The following SLC5A4 variants were observed in gnomAD, a reference collection of about 807,000 sequenced individuals.
SLC5A4 encodes solute carrier family 5 member 4, also known as probable glucose sensor protein SLC5A4.
SLC5A4 carries 55 observed loss-of-function variants against 70.3 expected under a neutral mutation model. The ratio of observed to expected loss-of-function variants is 0.78; its 90% confidence interval spans 0.63 to 0.98. The LOEUF is 0.98. Ranked by LOEUF, SLC5A4 falls within the 50% of genes least tolerant of loss-of-function variation. The probability of loss-of-function intolerance (pLI) is 0.00; values close to 1 mark genes in which losing one functional copy is unlikely to be tolerated. For missense variants in SLC5A4, 735 were observed against 839.2 expected (o/e 0.88, Z 1.53); for synonymous variants, 268 against 305.7 (o/e 0.88, Z 1.29).
At chr22:32,264,084 T>C in the SLC5A4 span, among the ~76,000 whole-genome samples, 2 of 140,834 alleles carry the variant, frequency 1.4e-5, no homozygotes, top group East Asian at 2.0e-4. Context: ...AAATACCCAA[T>C]GTAGATGATG....
At chr22:32,229,507 C>G (rs1925619938) in intron 10 of SLC5A4, among the ~76,000 whole-genome samples, 163 bp from the exon 11 acceptor site, 1 of 152,142 alleles carries the variant, frequency 6.6e-6, no homozygotes, top group African/African-American at 2.4e-5. Flanking sequence ...TCCTGGTCAC[C>G]TGAGAATAAT....
chr22:32,307,260 GTAAC>G, the SLC5A4 span, among the ~76,000 whole-genome samples: 4 of 152,116 alleles, frequency 2.6e-5, no homozygotes, highest in Admixed American at 6.5e-5. Flanking sequence ...TAGGTACAGA[GTAAC>G]TAATAGTCAA....
chr22:32,232,843 AC>A (rs1925836091), intron 9 of SLC5A4, 55 bp downstream of exon 9: 1 of 1,541,780 alleles, frequency 6.5e-7, no homozygotes, highest in Middle Eastern at 1.7e-4. Flanking sequence ...CATTTTAAAA[AC>A]ACTTATCAGA....
chr22:32,291,834 G>C, the SLC5A4 span, among the ~76,000 whole-genome samples: 8 of 145,310 alleles, frequency 5.5e-5, no homozygotes, highest in African/African-American at 2.0e-4. Flanking sequence ...ATGTGTGTGT[G>C]TATATATATG....
At position 32,220,972 on chromosome 22, in the gene SLC5A4, A is replaced by G. The variant is rs752063184; in HGVS notation, c.1716T>C (p.Asp572=). The G allele has an allele frequency of 2.5e-6, 4 of 1,614,052 alleles. No homozygotes were observed. Among genetic ancestry groups the G allele is most frequent in the Non-Finnish European group, 2.5e-6 (3 of 1,179,936 alleles). ...CCTGACTTTTCTCTTCTGCATCTAT[A>G]TCGATTCGCTCCTCTGTACTGTTCC... ...VLRNSTEERI[D]IDAEEKSQEE... is the part of the protein sequence containing the mutation. The change falls in exon 14 of 15, where the codon GAT becomes GAC. Residue 572 remains aspartate (D), a synonymous_variant. Transcript: ENST00000266086.
At chr22:32,318,803 TC>T in the SLC5A4 span, among the ~76,000 whole-genome samples, 1 of 152,306 alleles carries the variant, frequency 6.6e-6, no homozygotes, top group East Asian at 1.9e-4. Flanking sequence ...CTAAAGCCCT[TC>T]CCACCCCATC....
the SLC5A4 span, among the ~76,000 whole-genome samples, chr22:32,312,843 A>G: frequency 1.3e-5 from 2 of 152,118 alleles, no homozygotes; most frequent in Non-Finnish European, 2.9e-5. Flanking sequence ...CAAGGAAAAA[A>G]AATATCACAT....
the SLC5A4 span, among the ~76,000 whole-genome samples, chr22:32,334,277 T>C: frequency 6.6e-6 from 1 of 152,214 alleles, no homozygotes; most frequent in African/African-American, 2.4e-5. Flanking sequence ...GGTGCTGGCG[T>C]CCCATGGTGG....
the SLC5A4 span, among the ~76,000 whole-genome samples, chr22:32,261,184 C>T: frequency 6.6e-6 from 1 of 152,210 alleles, no homozygotes; most frequent in Non-Finnish European, 1.5e-5. Flanking sequence ...TCACTCCTCT[C>T]CCGTTTGGTC....
intron 5 of SLC5A4, among the ~76,000 whole-genome samples, chr22:32,242,089 CTATT>C (rs1926565552): frequency 6.6e-6 from 1 of 152,002 alleles, no homozygotes; most frequent in Non-Finnish European, 1.5e-5. Flanking sequence ...GTGAATATAT[CTATT>C]TATGTGTGGG....
the SLC5A4 span, among the ~76,000 whole-genome samples, chr22:32,311,781 G>A: frequency 2.0e-5 from 3 of 152,176 alleles, no homozygotes; most frequent in Non-Finnish European, 4.4e-5. Context: ...GTGGATCAGC[G>A]CTCTCGGCGG....
the SLC5A4 span, among the ~76,000 whole-genome samples, chr22:32,349,075 A>C: frequency 6.6e-6 from 1 of 152,084 alleles, no homozygotes; most frequent in African/African-American, 2.4e-5. Context: ...CCCAGGTTCA[A>C]GTGATTTCCC....
At chr22:32,235,502 A>C (rs1040685171) in intron 7 of SLC5A4, among the ~76,000 whole-genome samples, 5 of 152,206 alleles carry the variant, frequency 3.3e-5, no homozygotes, top group African/African-American at 1.2e-4. Flanking sequence ...GAAAAAGATC[A>C]GGAGGCAAAG....
rs114902843 is a variant in SLC5A4 at position 32,245,868 on chromosome 22, C to G, written c.477+1543G>C. Among the ~76,000 whole-genome samples the G allele has an allele frequency of 8.5e-3, 1,291 of 152,318 alleles. 20 individuals carry two copies. The highest frequency in any genetic ancestry group is 0.03 in the African/African-American group (1,237 of 41,562). ...AGCTGTAGATGTCAGCACCAGAGGA[C>G]AATTGGGAGACTAGCAAGTCCAACG... is the stretch of plus-strand genomic sequence containing the variant. On this transcript the variant is annotated intron_variant, in intron 5 of 14. Coordinates refer to ENST00000266086, the MANE Select transcript of SLC5A4 (RefSeq NM_014227.3).
the SLC5A4 span, among the ~76,000 whole-genome samples, chr22:32,310,367 G>A: frequency 6.6e-6 from 1 of 152,194 alleles, no homozygotes; most frequent in Non-Finnish European, 1.5e-5. Context: ...TGCTCTCAGT[G>A]GCAGAGCTGA....
the SLC5A4 span, among the ~76,000 whole-genome samples, chr22:32,311,061 TACTCGGTCC>T: frequency 6.6e-6 from 1 of 152,206 alleles, no homozygotes; most frequent in Non-Finnish European, 1.5e-5. Context: ...TAACGCCCAT[TACTCGGTCC>T]TGTGTGTCAT....
At chr22:32,255,141 A>C in intron 1 of SLC5A4, 54 bp downstream of exon 1, 2 of 1,148,968 alleles carry the variant, frequency 1.7e-6, no homozygotes, top group Non-Finnish European at 2.6e-6. Context: ...CCCCCTTAAG[A>C]TACCCCCTCC....
At chr22:32,313,000 G>A in the SLC5A4 span, among the ~76,000 whole-genome samples, 5 of 152,184 alleles carry the variant, frequency 3.3e-5, no homozygotes, top group South Asian at 4.1e-4. Flanking sequence ...CAAAAATGTC[G>A]CTATCATTAT....
the SLC5A4 span, among the ~76,000 whole-genome samples, chr22:32,326,159 C>T: frequency 1.2e-4 from 19 of 152,332 alleles, no homozygotes; most frequent in African/African-American, 4.1e-4. Context: ...AGGCACAACA[C>T]GCCTCATTCC....
Sources: gnomAD v4.1 joint callset for allele counts (sites outside exome capture counted in the v4.1 genomes callset) on GRCh38, gnomAD v4.1.1 for gene constraint, MANE v1.5 for transcripts, NCBI Gene and HGNC (gene_info 2026-07-23, HGNC 2026-07-21) for gene names.